CFAP54: variants seen among roughly 807,000 people sequenced by gnomAD.
The protein encoded by CFAP54 is cilia and flagella associated protein 54, also known as cilia- and flagella-associated protein 54.
A neutral mutation model predicts 370.4 loss-of-function variants in CFAP54; 290 were observed. The ratio of observed to expected loss-of-function variants is 0.78; its 90% CI spans 0.71 to 0.86. The LOEUF is 0.86. Among genes scored for constraint, CFAP54 ranks in the 40% least tolerant of loss-of-function variants. The pLI, the probability that CFAP54 is intolerant of heterozygous loss-of-function variation, is 0.00. For synonymous variants in CFAP54, 1,206 were observed against 1,236.5 expected (o/e 0.98, Z 0.52); for missense variants, 3,399 against 3,528.7 (o/e 0.96, Z 0.93).
At chr12:96,599,985 G>T (rs994653167) in intron 26 of CFAP54, among the ~76,000 whole-genome samples, 6 of 152,086 alleles carry the variant, frequency 3.9e-5, no homozygotes, top group African/African-American at 1.4e-4. Flanking sequence ...AGTTTCTTTT[G>T]CTGTGCAGAA....
intron 30 of CFAP54, among the ~76,000 whole-genome samples, chr12:96,629,858 A>G (rs1388442589): frequency 1.3e-5 from 2 of 152,150 alleles, no homozygotes; most frequent in African/African-American, 4.8e-5. Context: ...AAAAGTTTCT[A>G]TTATTCAACA....
chr12:96,730,244 G>T (rs893332804), intron 50 of CFAP54, among the ~76,000 whole-genome samples: 1 of 152,146 alleles, frequency 6.6e-6, no homozygotes, highest in African/African-American at 2.4e-5. Flanking sequence ...ATTTAAAAAG[G>T]TCCTGACATC....
intron 28 of CFAP54, among the ~76,000 whole-genome samples, chr12:96,624,564 A>G (rs1956531370): frequency 6.6e-6 from 1 of 152,192 alleles, no homozygotes; most frequent in Non-Finnish European, 1.5e-5. Context: ...TACTTGGGAA[A>G]TTGAGTTAGT....
At chr12:96,508,554 G>A (rs1292365752) in intron 4 of CFAP54, among the ~76,000 whole-genome samples, 1 of 150,964 alleles carries the variant, frequency 6.6e-6, no homozygotes, top group African/African-American at 2.4e-5. Flanking sequence ...CCAAAGTGCT[G>A]GAATTACAGG....
At chr12:96,657,461 C>A (rs1592692312) in intron 36 of CFAP54, among the ~76,000 whole-genome samples, 1 of 152,252 alleles carries the variant, frequency 6.6e-6, no homozygotes, top group Non-Finnish European at 1.5e-5. Context: ...TATTTCATAT[C>A]CTTACTTAAA....
intron 66 of CFAP54, among the ~76,000 whole-genome samples, chr12:96,853,216 A>G (rs1453792353): frequency 6.6e-6 from 1 of 152,186 alleles, no homozygotes; most frequent in East Asian, 1.9e-4. Context: ...ATTGTATTAC[A>G]TTCATACAAT....
chr12:96,589,523 G>C lies in CFAP54; in HGVS notation c.3172G>C (p.Val1058Leu), dbSNP rs1326837324. 1 of 1,485,346 alleles carries C rather than the reference G, an allele frequency of 6.7e-7. No homozygotes were observed. The highest frequency in any genetic ancestry group is 2.0e-5 in the Admixed American group (1 of 50,880). The allele number at this position is 1,485,346 out of a possible 1,614,324, so 92.0% of individuals were successfully genotyped here. A position where few individuals can be genotyped will look rare whatever the true frequency, so the allele number is the denominator to read the frequency against. Residue 1058 changes from valine (V) to leucine (L), a missense_variant, in exon 23 of 68, where the codon GTT becomes CTT. Transcript: ENST00000524981. ...TTCGCCACTTCAGGATGAACAATCT[G>C]TTATTTGTTTAAGCAATATAATTAC... The part of the protein sequence containing the change: ...VASPLQDEQS[V>L]ICLSNIITIT...
At chr12:96,538,593 T>G in intron 13 of CFAP54, 75 bp downstream of exon 13, 2 of 1,449,120 alleles carry the variant, frequency 1.4e-6, no homozygotes, top group Non-Finnish European at 1.8e-6. Context: ...ATTTCAAATC[T>G]AAATTTTTCC....
At chr12:96,619,728 T>C (rs1956463908) in intron 26 of CFAP54, among the ~76,000 whole-genome samples, 1 of 152,228 alleles carries the variant, frequency 6.6e-6, no homozygotes, top group African/African-American at 2.4e-5. Flanking sequence ...GACCTAAATA[T>C]GTCAGAAAGC....
intron 13 of CFAP54, among the ~76,000 whole-genome samples, chr12:96,539,510 A>C (rs1026780278): frequency 6.6e-6 from 1 of 151,848 alleles, no homozygotes; most frequent in Non-Finnish European, 1.5e-5. Flanking sequence ...CCCCGTCTCT[A>C]CTAAAAATAC....
intron 65 of CFAP54, among the ~76,000 whole-genome samples, chr12:96,819,040 A>G (rs1959004296): frequency 6.6e-6 from 1 of 152,238 alleles, no homozygotes. Flanking sequence ...TTAAAACGAA[A>G]AAAGGCAATC....
chr12:96,855,316 A>G lies in CFAP54; in HGVS notation c.9172-5503A>G, dbSNP rs565107113. Among the ~76,000 whole-genome samples the G allele has an allele frequency of 2.0e-5, 3 of 152,284 alleles. No individual in the cohort carries two copies. In the Middle Eastern group the frequency reaches 0.01, roughly 518 times the overall value. ...GGCCCCTCCCAAATCTCATGTCCTC[A>G]CAATTCAAAACACAATCAGGCCATC... On this transcript the variant is annotated intron_variant, in intron 66 of 67. Transcript: ENST00000524981.
intron 65 of CFAP54, among the ~76,000 whole-genome samples, chr12:96,825,700 T>TATATATAATATATCACG: frequency 8.1e-6 from 1 of 123,504 alleles, no homozygotes; most frequent in South Asian, 2.3e-4. Flanking sequence ...CGATATATAT[T>TATATATAATATATCACG]ATATATTAAT....
chr12:96,489,622 G>A lies in CFAP54; in HGVS notation c.13G>A (p.Gly5Ser). MAAQ[G>S]SPSSSPSDDS... ...GGGGCGCGTCAATATGGCGGCGCAG[G>A]GCTCCCCCTCGAGCTCTCCGTCAGA... is the stretch of plus-strand genomic sequence containing the variant. Residue 5 changes from glycine (G) to serine (S), a missense_variant, in exon 1 of 68, where the codon GGC (glycine) becomes AGC (serine). Coordinates refer to ENST00000524981, the MANE Select transcript of CFAP54 (RefSeq NM_001306084.2). 1.3e-6 allele frequency: 2 copies of A among 1,520,974 alleles called. No homozygotes were observed. The highest frequency in any genetic ancestry group is 1.8e-6 in the Non-Finnish European group (2 of 1,135,672). The allele number at this position is 1,520,974 out of a possible 1,614,324, so 94.2% of individuals were successfully genotyped here. A position where few individuals can be genotyped will look rare whatever the true frequency, so the allele number is the denominator to read the frequency against.
At position 96,749,245 on chromosome 12, in the gene CFAP54, G is replaced by A. The variant is rs558542250; in HGVS notation, c.7685-4498G>A. Among the ~76,000 whole-genome samples the A allele has an allele frequency of 4.2e-4, 64 of 152,304 alleles. 1 individual carries two copies. The highest frequency in any genetic ancestry group is 1.5e-3 in the African/African-American group (62 of 41,558). On this transcript the variant is annotated intron_variant, in intron 55 of 67. Coordinates refer to ENST00000524981, the MANE Select transcript of CFAP54 (RefSeq NM_001306084.2). ...ACCTTCTATGTGTCCTTACATGGTG[G>A]AAGGGGCAGACAGGCTTTCTCAAGT...
chr12:96,588,526 A>G (rs78658758), intron 22 of CFAP54, among the ~76,000 whole-genome samples: 2 of 152,346 alleles, frequency 1.3e-5, no homozygotes, highest in East Asian at 3.8e-4. Context: ...CAGACTAGAA[A>G]CTTCATAAAA....
intron 60 of CFAP54, among the ~76,000 whole-genome samples, chr12:96,770,045 A>G (rs889156438): frequency 6.6e-6 from 1 of 152,176 alleles, no homozygotes; most frequent in Non-Finnish European, 1.5e-5. Flanking sequence ...TTCCTCTACT[A>G]TTATCTTCTG....
chr12:96,722,765 T>C (rs572812587), intron 50 of CFAP54, among the ~76,000 whole-genome samples: 1 of 152,306 alleles, frequency 6.6e-6, no homozygotes, highest in African/African-American at 2.4e-5. Context: ...ACCAGTGTGA[T>C]AGCACTGGAG....
intron 40 of CFAP54, among the ~76,000 whole-genome samples, chr12:96,684,217 T>A (rs896497958): frequency 6.6e-6 from 1 of 152,164 alleles, no homozygotes; most frequent in African/African-American, 2.4e-5. Flanking sequence ...TAGGATAACA[T>A]CCACATTTCT....
Sources: gnomAD v4.1 joint callset for allele counts (sites outside exome capture counted in the v4.1 genomes callset) on GRCh38, gnomAD v4.1.1 for gene constraint, MANE v1.5 for transcripts, NCBI Gene and HGNC (gene_info 2026-07-23, HGNC 2026-07-21) for gene names.